RFX3: variants seen among roughly 807,000 people sequenced by gnomAD.
The protein encoded by RFX3 is transcription factor RFX3.
A neutral mutation model predicts 98.6 loss-of-function variants in RFX3; 14 were observed. That is an observed-to-expected ratio of 0.14 (90% confidence interval 0.09 to 0.22). RFX3 has a LOEUF of 0.22. Ranked by LOEUF, RFX3 falls within the 10% of genes least tolerant of loss-of-function variation. The pLI is 1.00. For synonymous variants in RFX3, 383 were observed against 328.4 expected (o/e 1.17, Z -1.80); for missense variants, 639 against 926.9 (o/e 0.69, Z 4.03).
chr9:3,492,363 G>T (rs772324697), intron 1 of RFX3, among the ~76,000 whole-genome samples: 1 of 152,200 alleles, frequency 6.6e-6, no homozygotes, highest in Non-Finnish European at 1.5e-5. Context: ...TGAGACTCAG[G>T]CGAGAGGGCC....
At chr9:3,265,299 T>C (rs1823479030) in intron 12 of RFX3, among the ~76,000 whole-genome samples, 3 of 152,306 alleles carry the variant, frequency 2.0e-5, no homozygotes, top group East Asian at 1.9e-4. Context: ...AACAATCTAA[T>C]ATGGGCACAT....
chr9:3,384,030 T>C (rs1013212803), intron 2 of RFX3, among the ~76,000 whole-genome samples: 1 of 152,152 alleles, frequency 6.6e-6, no homozygotes, highest in East Asian at 1.9e-4. Context: ...AATTTTTTGA[T>C]GACCGATTCA....
At chr9:3,390,239 G>A (rs1196579548) in intron 2 of RFX3, among the ~76,000 whole-genome samples, 1 of 152,088 alleles carries the variant, frequency 6.6e-6, no homozygotes, top group African/African-American at 2.4e-5. Flanking sequence ...GGGTGGTACA[G>A]TAAATTGGTA....
chr9:3,346,635 G>A (rs1292441651), intron 3 of RFX3, 32 bp downstream of exon 3: 1 of 1,319,796 alleles, frequency 7.6e-7, no homozygotes, highest in South Asian at 1.2e-5. Context: ...TCTGAGTGGG[G>A]GAATTAAAAA....
intron 3 of RFX3, among the ~76,000 whole-genome samples, chr9:3,346,135 A>G (rs980435036): frequency 1.3e-5 from 2 of 152,202 alleles, no homozygotes; most frequent in East Asian, 3.8e-4. Flanking sequence ...TTACAAATTT[A>G]TATTATTGTT....
chr9:3,345,119 C>G (rs1834313536), intron 3 of RFX3, among the ~76,000 whole-genome samples: 1 of 152,022 alleles, frequency 6.6e-6, no homozygotes, highest in Non-Finnish European at 1.5e-5. Context: ...TAATGTTGCC[C>G]TTTATAAGGG....
chr9:3,333,438 T>G (rs1001429711), intron 3 of RFX3, among the ~76,000 whole-genome samples: 14 of 149,288 alleles, frequency 9.4e-5, no homozygotes, highest in East Asian at 5.8e-4. Context: ...AGAAAATGTT[T>G]TTTTTTTTTT....
chr9:3,446,062 T>A (rs946084622), intron 1 of RFX3, among the ~76,000 whole-genome samples: 1 of 152,116 alleles, frequency 6.6e-6, no homozygotes, highest in African/African-American at 2.4e-5. Context: ...CAGTTACTCA[T>A]CCCTGTATCT....
Position 3,443,028 on chromosome 9 carries a change from TAAAC to T in RFX3, c.-8-47436_-8-47433del, listed in dbSNP as rs1022431936. 3.9e-5 allele frequency among the ~76,000 whole-genome samples: 6 copies of T among 152,080 alleles called. No individual in the cohort carries two copies. In the South Asian group the frequency reaches 6.2e-4, roughly 16 times the overall value. On this transcript the variant is annotated intron_variant, in intron 1 of 16. Coordinates refer to ENST00000617270, the MANE Select transcript of RFX3 (RefSeq NM_001282116.2). ...GTAAAGAACTCTCAAAACTCAATAATAAACAACCTGATTAAAAGTGAGCAAAAGA... is the reference window on the plus strand; with the variant it reads ...GTAAAGAACTCTCAAAACTCAATAATAACCTGATTAAAAGTGAGCAAAAGA...
intron 1 of RFX3, among the ~76,000 whole-genome samples, chr9:3,510,362 T>A (rs1264714512): frequency 5.9e-5 from 9 of 151,950 alleles, no homozygotes; most frequent in Non-Finnish European, 1.3e-4. Context: ...AACAAAACTC[T>A]CCTTTAAATG....
chr9:3,361,872 G>A (rs755697809), intron 2 of RFX3, among the ~76,000 whole-genome samples: 1 of 151,914 alleles, frequency 6.6e-6, no homozygotes, highest in South Asian at 2.1e-4. Context: ...GCTTTAGCCC[G>A]GGAGGTTGAG....
intron 2 of RFX3, among the ~76,000 whole-genome samples, chr9:3,362,434 T>G (rs1267649320): frequency 1.3e-5 from 2 of 152,258 alleles, no homozygotes; most frequent in East Asian, 1.9e-4. Flanking sequence ...TAGCTTCTTC[T>G]GTTTTTCAGA....
At chr9:3,270,630 C>A in intron 10 of RFX3, 105 bp from the exon 11 acceptor site, 2 of 1,144,906 alleles carry the variant, frequency 1.7e-6, no homozygotes, top group South Asian at 1.5e-5. Flanking sequence ...GAGGTTAGAA[C>A]TATACCACCA....
At chr9:3,383,478 C>T (rs893675611) in intron 2 of RFX3, among the ~76,000 whole-genome samples, 1 of 151,926 alleles carries the variant, frequency 6.6e-6, no homozygotes. Context: ...ATTCATCTGA[C>T]TGCTTTATCT....
intron 1 of RFX3, among the ~76,000 whole-genome samples, chr9:3,426,831 C>A (rs779783087): frequency 6.6e-6 from 1 of 152,110 alleles, no homozygotes; most frequent in Non-Finnish European, 1.5e-5. Context: ...ATAATTATTT[C>A]ATTATATATT....
At chr9:3,247,896 C>T (rs1563796762) in intron 15 of RFX3, 136 bp downstream of exon 15, 2 of 1,610,210 alleles carry the variant, frequency 1.2e-6, no homozygotes, top group Admixed American at 1.7e-5. Flanking sequence ...CTTGCAATAA[C>T]TCCACAGTCC....
At chr9:3,485,978 G>C (rs1036199575) in intron 1 of RFX3, among the ~76,000 whole-genome samples, 6 of 151,708 alleles carry the variant, frequency 4.0e-5, no homozygotes, top group African/African-American at 1.5e-4. Flanking sequence ...TACAAAATTA[G>C]CCAGGCATGG....
At chr9:3,230,321 T>C (rs990406334) in intron 15 of RFX3, among the ~76,000 whole-genome samples, 2 of 152,218 alleles carry the variant, frequency 1.3e-5, no homozygotes, top group African/African-American at 4.8e-5. Flanking sequence ...TATTAGTATG[T>C]TTATTTGAAA....
At chr9:3,329,406 T>G (rs1443367929) in intron 4 of RFX3, among the ~76,000 whole-genome samples, 1 of 45,144 alleles carries the variant, frequency 2.2e-5, no homozygotes, top group African/African-American at 1.7e-4. Flanking sequence ...AGACTTCATC[T>G]CAAAAAAAAA....
Sources: gnomAD v4.1 joint callset for allele counts (sites outside exome capture counted in the v4.1 genomes callset) on GRCh38, gnomAD v4.1.1 for gene constraint, MANE v1.5 for transcripts, NCBI Gene and HGNC (gene_info 2026-07-23, HGNC 2026-07-21) for gene names.